The following MYO10 variants were observed in gnomAD, a reference collection of about 807,000 sequenced individuals.
MYO10 encodes myosin X, also known as unconventional myosin-X.
A neutral mutation model predicts 257.3 loss-of-function variants in MYO10; 133 were observed. The ratio of observed to expected loss-of-function variants is 0.52; its 90% CI spans 0.45 to 0.60. The LOEUF is 0.60. Ranked by LOEUF, MYO10 falls within the 20% of genes least tolerant of loss-of-function variation. MYO10 has a pLI of 0.00. For synonymous variants in MYO10, 1,104 were observed against 1,028.6 expected (o/e 1.07, Z -1.40); for missense variants, 2,399 against 2,635.7 (o/e 0.91, Z 1.97).
At chr5:16,824,780 T>A (rs1742951640) in intron 2 of MYO10, among the ~76,000 whole-genome samples, 1 of 152,012 alleles carries the variant, frequency 6.6e-6, no homozygotes, top group Non-Finnish European at 1.5e-5. Flanking sequence ...GGCAGGAGAA[T>A]CGCTTGAACC....
intron 33 of MYO10, among the ~76,000 whole-genome samples, chr5:16,679,522 GTGTT>G (rs1326754993): frequency 1.7e-5 from 2 of 119,054 alleles, no homozygotes; most frequent in Admixed American, 9.7e-5. Context: ...AGTTTTTTGG[GTGTT>G]TTTTTTTTTT....
rs531418985 is a variant in MYO10, at chr5:16,722,120, G to C, written c.1930-10875C>G. ...CTGTTGAGCCTGATGGATCTTTTAG[G>C]TGTCTCTCAAATGCTCCCTCCTGCG... On this transcript the variant is annotated intron_variant, in intron 19 of 40. Transcript: ENST00000513610. Among the ~76,000 whole-genome samples the C allele has an allele frequency of 2.6e-5, 4 of 152,262 alleles. 1 individual carries two copies. The highest frequency in any genetic ancestry group is 9.6e-5 in the African/African-American group (4 of 41,552).
At chr5:16,761,974 G>T in intron 16 of MYO10, 71 bp downstream of exon 16, 1 of 1,418,716 alleles carries the variant, frequency 7.0e-7, no homozygotes, top group Non-Finnish European at 9.4e-7. Context: ...TTCATGATTG[G>T]CTTCTGAAAC....
Position 16,762,568 on chromosome 5 carries a change from C to T in MYO10, c.1564G>A (p.Glu522Lys), listed in dbSNP as rs754181046. The T allele has an allele frequency of 3.1e-6, 5 of 1,609,554 alleles. No individual in the cohort carries two copies. The South Asian group carries it at 5.6e-5, about 18-fold the overall frequency. The change falls in exon 15 of 41, where the codon GAG (glutamate) becomes AAG (lysine). Residue 522 changes from glutamate to lysine, a missense_variant. By Grantham distance (56) the Glu-to-Lys change is moderately conservative (BLOSUM62 1). This residue lies in a region of MYO10 where 337 missense variants were observed against 446.8 expected (regional missense o/e 0.75). Transcript: ENST00000513610. The part of the protein sequence containing the change: ...FPQATDSTLL[E>K]KLHSQHANNH... ...ACCGCATGCTGACTGTGTAGCTTCT[C>T]CAATAAGGTGCTGTCTGTGGCTTGA...
At chr5:16,917,828 T>C (rs749070691) in intron 1 of MYO10, among the ~76,000 whole-genome samples, 9 of 152,100 alleles carry the variant, frequency 5.9e-5, no homozygotes, top group Admixed American at 2.6e-4. Context: ...TGAGCTGTGA[T>C]TGCATCACTG....
At chr5:16,766,458 G>A (rs1022851778) in intron 10 of MYO10, among the ~76,000 whole-genome samples, 1 of 152,004 alleles carries the variant, frequency 6.6e-6, no homozygotes, top group Non-Finnish European at 1.5e-5. Context: ...TTTTTGAGAC[G>A]GAGTCTCGCT....
At chr5:16,918,091 C>T (rs1046011927) in intron 1 of MYO10, among the ~76,000 whole-genome samples, 2 of 152,154 alleles carry the variant, frequency 1.3e-5, no homozygotes, top group African/African-American at 4.8e-5. Flanking sequence ...AAATGTAAAC[C>T]ATCCATTACC....
At chr5:16,675,271 A>G in intron 34 of MYO10, 121 bp from the exon 35 acceptor site, 1 of 920,072 alleles carries the variant, frequency 1.1e-6, no homozygotes, top group African/African-American at 1.7e-5. Context: ...TGCCCACCAC[A>G]CTCCCTATAC....
chr5:16,771,443 CCAA>C (rs921442485), intron 9 of MYO10, among the ~76,000 whole-genome samples: 1 of 151,328 alleles, frequency 6.6e-6, no homozygotes, highest in African/African-American at 2.4e-5. Context: ...GAGAGAAAAA[CCAA>C]CAACAAAGGT....
intron 1 of MYO10, among the ~76,000 whole-genome samples, chr5:16,912,223 C>T (rs1025306327): frequency 6.6e-6 from 1 of 152,146 alleles, no homozygotes; most frequent in African/African-American, 2.4e-5. Flanking sequence ...GTTCGGCCCA[C>T]TAGGTAAAAA....
At position 16,935,772 on chromosome 5, in the gene MYO10, C is replaced by A; in HGVS notation, c.21+16G>T. The A allele has an allele frequency of 6.2e-7, 1 of 1,613,498 alleles. No homozygotes were observed. Among genetic ancestry groups the A allele is most frequent in the Non-Finnish European group, 8.5e-7 (1 of 1,179,746 alleles). ...CCTGGGCTCCGGAGGCCAGGTCGGA[C>A]TGGGAGCGCACTTACCTCGGTGAAG... On this transcript the variant is annotated intron_variant, in intron 1 of 40. Transcript: ENST00000513610.
intron 2 of MYO10, among the ~76,000 whole-genome samples, chr5:16,866,032 C>CACAT (rs1343749778): frequency 7.3e-5 from 11 of 151,064 alleles, no homozygotes; most frequent in African/African-American, 2.7e-4. Flanking sequence ...CACACACACA[C>CACAT]ACACACACAC....
intron 33 of MYO10, among the ~76,000 whole-genome samples, chr5:16,678,672 C>T (rs1198826641): frequency 1.3e-5 from 2 of 152,186 alleles, no homozygotes; most frequent in African/African-American, 4.8e-5. Flanking sequence ...AATCAGGAGG[C>T]CAATTTGATT....
At chr5:16,904,320 G>C (rs1466949571) in intron 1 of MYO10, among the ~76,000 whole-genome samples, 1 of 152,146 alleles carries the variant, frequency 6.6e-6, no homozygotes, top group Non-Finnish European at 1.5e-5. Flanking sequence ...CCACTAGCCA[G>C]TAAACGTAAG....
intron 39 of MYO10, among the ~76,000 whole-genome samples, chr5:16,669,330 C>G (rs908346861): frequency 5.9e-5 from 9 of 152,058 alleles, no homozygotes; most frequent in Non-Finnish European, 1.0e-4. Flanking sequence ...TCTCCTGTCT[C>G]AGCCTCTCGA....
intron 28 of MYO10, 110 bp downstream of exon 28, chr5:16,689,714 C>A: frequency 3.6e-6 from 3 of 838,366 alleles, no homozygotes; most frequent in Non-Finnish European, 1.9e-6. Context: ...CAAAAAAAGT[C>A]AATTAAAATT....
chr5:16,702,638 C>A lies in MYO10; in HGVS notation c.2511-50G>T, dbSNP rs1182778208. 2.0e-6 allele frequency: 3 copies of A among 1,515,610 alleles called. No homozygotes were observed. In the East Asian group the frequency reaches 7.3e-5, roughly 37 times the overall value. 93.9% of individuals were successfully genotyped at this position (1,515,610 alleles called of 1,614,324 possible). A position where few individuals can be genotyped will look rare whatever the true frequency, so the allele number is the denominator to read the frequency against. On this transcript the variant is annotated intron_variant, in intron 23 of 40. Coordinates refer to ENST00000513610, the MANE Select transcript of MYO10 (RefSeq NM_012334.3). The stretch of plus-strand genomic sequence containing the variant: ...AAATCAACAACAATAACCCTGGAAC[C>A]ACTTTTCAGAGAGATCTACGTTTTT...
At chr5:16,871,603 T>C (rs987055828) in intron 2 of MYO10, among the ~76,000 whole-genome samples, 5 of 150,992 alleles carry the variant, frequency 3.3e-5, no homozygotes, top group African/African-American at 9.7e-5. Context: ...CAAAATCCTG[T>C]CTCGAAAAAA....
intron 19 of MYO10, among the ~76,000 whole-genome samples, chr5:16,717,204 C>T (rs887542701): frequency 1.3e-5 from 2 of 152,188 alleles, no homozygotes; most frequent in African/African-American, 4.8e-5. Flanking sequence ...CTTTGCGTTC[C>T]TGAAAACTAG....
Sources: gnomAD v4.1 joint callset for allele counts (sites outside exome capture counted in the v4.1 genomes callset) on GRCh38, gnomAD v4.1.1 for gene constraint, gnomAD v4.1.1 regional missense constraint, MANE v1.5 for transcripts, NCBI Gene and HGNC (gene_info 2026-07-23, HGNC 2026-07-21) for gene names.